Variants in OTUD7A observed in about 807,000 individuals in gnomAD.
The protein encoded by OTUD7A is OTU deubiquitinase 7A.
OTUD7A carries 12 observed loss-of-function variants against 65.7 expected under a neutral mutation model. That is an observed-to-expected ratio of 0.18 (90% CI 0.12 to 0.30). OTUD7A has a LOEUF of 0.30. Ranked by LOEUF, OTUD7A falls within the 10% of genes least tolerant of loss-of-function variation. The probability of loss-of-function intolerance (pLI) is 1.00; values close to 1 mark genes in which losing one functional copy is unlikely to be tolerated. For missense variants in OTUD7A, 1,148 were observed against 1,304.8 expected (o/e 0.88, Z 1.85); for synonymous variants, 641 against 586.3 (o/e 1.09, Z -1.35).
intron 3 of OTUD7A, among the ~76,000 whole-genome samples, chr15:31,577,414 T>C (rs1307406424): frequency 3.3e-5 from 5 of 152,196 alleles, no homozygotes; most frequent in East Asian, 1.9e-4. Flanking sequence ...TTTCAACAAA[T>C]TGCCAATTAG....
chr15:31,742,844 G>C (rs899745505), intron 1 of OTUD7A, among the ~76,000 whole-genome samples: 1 of 152,086 alleles, frequency 6.6e-6, no homozygotes, highest in South Asian at 2.1e-4. Flanking sequence ...TCAAACAAAA[G>C]AGACTTCAAG....
chr15:31,819,109 C>T (rs971683369), intron 1 of OTUD7A, among the ~76,000 whole-genome samples: 7 of 152,182 alleles, frequency 4.6e-5, no homozygotes, highest in African/African-American at 1.7e-4. Flanking sequence ...GAAACAGCTT[C>T]TCTTCTCCAA....
At chr15:31,509,704 AC>A (rs2041648766) in intron 8 of OTUD7A, among the ~76,000 whole-genome samples, 1 of 151,986 alleles carries the variant, frequency 6.6e-6, no homozygotes, top group African/African-American at 2.4e-5. Flanking sequence ...AACTGTATAA[AC>A]TGTTTTTTAA....
At chr15:31,834,075 G>A (rs960899704) in intron 1 of OTUD7A, among the ~76,000 whole-genome samples, 6 of 152,216 alleles carry the variant, frequency 3.9e-5, no homozygotes, top group African/African-American at 1.4e-4. Context: ...GTCCTGAAAA[G>A]AGTAATATTC....
intron 1 of OTUD7A, among the ~76,000 whole-genome samples, chr15:31,751,032 T>G (rs1894621040): frequency 6.6e-6 from 1 of 152,144 alleles, no homozygotes; most frequent in Non-Finnish European, 1.5e-5. Flanking sequence ...AACTTACGAC[T>G]AAGTCCTCAA....
Position 31,501,781 on chromosome 15 carries a change from T to C in OTUD7A, c.1080A>G (p.Arg360=), listed in dbSNP as rs756527552. 3.1e-6 allele frequency: 5 copies of C among 1,613,940 alleles called. No individual in the cohort carries two copies. In the East Asian group the frequency reaches 8.9e-5, roughly 29 times the overall value. Residue 360 remains arginine, a synonymous_variant, in exon 10 of 13, where the codon AGA becomes AGG. Transcript: ENST00000307050. ...IYLPLEVPPN[R]CHCSPLVLAY... is the part of the protein sequence containing the mutation. ...CCAGAACCAGAGGCGAGCAGTGGCA[T>C]CTGTTGGGAGGGACCTCCAAGGGCA...
intron 3 of OTUD7A, among the ~76,000 whole-genome samples, chr15:31,578,089 C>T (rs1889261319): frequency 6.6e-6 from 1 of 152,120 alleles, no homozygotes. Flanking sequence ...AAATAGGCTC[C>T]CTCCTTGGCC....
At chr15:31,661,237 T>C (rs980704723) in intron 1 of OTUD7A, among the ~76,000 whole-genome samples, 17 of 152,262 alleles carry the variant, frequency 1.1e-4, no homozygotes, top group African/African-American at 3.9e-4. Flanking sequence ...GCAGTAAGTG[T>C]AGGATCTACT....
intron 1 of OTUD7A, among the ~76,000 whole-genome samples, chr15:31,750,023 T>G (rs1290444759): frequency 3.9e-5 from 6 of 152,178 alleles, no homozygotes; most frequent in Non-Finnish European, 8.8e-5. Context: ...GAAACATCTC[T>G]AAAGCAGAAC....
chr15:31,751,898 GAGA>G (rs1894646961), intron 1 of OTUD7A, among the ~76,000 whole-genome samples: 1 of 152,168 alleles, frequency 6.6e-6, no homozygotes, highest in African/African-American at 2.4e-5. Flanking sequence ...TCCAAAGGAA[GAGA>G]AGGAGAGAGG....
intron 1 of OTUD7A, among the ~76,000 whole-genome samples, chr15:31,717,130 T>C (rs904319801): frequency 6.6e-6 from 1 of 152,238 alleles, no homozygotes; most frequent in Non-Finnish European, 1.5e-5. Context: ...ATGTCCTTTG[T>C]AACAAAATGG....
chr15:31,559,168 C>G lies in OTUD7A; in HGVS notation c.351G>C (p.Gly117=). The change falls in exon 5 of 13, where the codon GGG becomes GGC. Residue 117 remains glycine, a synonymous_variant. Transcript: ENST00000307050. ...DIAQEKRLSR[G]ISHASSAIVS... is the part of the protein sequence containing the mutation. ...CGATGGCTGAGCTGGCGTGGGAAAT[C>G]CCCCGGGAAAGCCGCTTTTCTGCAG... is the stretch of plus-strand genomic sequence containing the variant. The G allele has an allele frequency of 1.2e-6, 2 of 1,613,416 alleles. No individual in the cohort carries two copies. Among genetic ancestry groups the G allele is most frequent in the Non-Finnish European group, 1.7e-6 (2 of 1,179,442 alleles).
intron 1 of OTUD7A, among the ~76,000 whole-genome samples, chr15:31,675,354 C>T (rs982269092): frequency 8.2e-4 from 124 of 152,092 alleles, no homozygotes; most frequent in Non-Finnish European, 2.2e-4. Flanking sequence ...AGTGAATTCT[C>T]CTCTTGTTAA....
chr15:31,649,407 CT>C (rs906106901), intron 3 of OTUD7A, among the ~76,000 whole-genome samples: 12 of 151,544 alleles, frequency 7.9e-5, no homozygotes, highest in South Asian at 2.1e-4. Flanking sequence ...GTTTTTTTAA[CT>C]TTTTTTTTGA....
chr15:31,781,023 C>T (rs1249234352), intron 1 of OTUD7A, among the ~76,000 whole-genome samples: 1 of 152,154 alleles, frequency 6.6e-6, no homozygotes, highest in Non-Finnish European at 1.5e-5. Flanking sequence ...AATAATGGCC[C>T]TTGTGGCAAG....
At chr15:31,619,108 G>A (rs140626161) in intron 3 of OTUD7A, among the ~76,000 whole-genome samples, 4,643 of 152,138 alleles carry the variant, frequency 0.031, 236 homozygotes, top group African/African-American at 0.11. Context: ...TATTTCTGAG[G>A]GCTCTGTTCT....
At chr15:31,684,855 G>C (rs1285985473) in intron 1 of OTUD7A, among the ~76,000 whole-genome samples, 1 of 148,726 alleles carries the variant, frequency 6.7e-6, no homozygotes, top group Non-Finnish European at 1.5e-5. Context: ...ACAAAGATGC[G>C]ATGTCAGGAG....
At chr15:31,633,185 A>G (rs1891233029) in intron 3 of OTUD7A, among the ~76,000 whole-genome samples, 5 of 152,284 alleles carry the variant, frequency 3.3e-5, no homozygotes, top group African/African-American at 1.2e-4. Context: ...CTCAGATGGA[A>G]ATGCAGAAAT....
At chr15:31,684,343 A>T (rs532935478) in intron 1 of OTUD7A, among the ~76,000 whole-genome samples, 75 of 152,232 alleles carry the variant, frequency 4.9e-4, no homozygotes, top group African/African-American at 1.7e-3. Flanking sequence ...TCCAAGAACA[A>T]TCAACACTAT....
Sources: allele counts gnomAD v4.1 joint callset (sites outside exome capture counted in the v4.1 genomes callset), GRCh38; gene constraint gnomAD v4.1.1; transcripts MANE v1.5; gene names NCBI Gene and HGNC (gene_info 2026-07-23, HGNC 2026-07-21).